ASXL2: variants seen among roughly 807,000 people sequenced by gnomAD.
The protein encoded by ASXL2 is ASXL transcriptional regulator 2, also known as putative Polycomb group protein ASXL2.
Under a neutral mutation model 122.0 loss-of-function variants are expected in ASXL2, and 23 were observed. The ratio of observed to expected loss-of-function variants is 0.19; its 90% CI spans 0.14 to 0.27. ASXL2 has a LOEUF of 0.27. Among genes scored for constraint, ASXL2 ranks in the 10% least tolerant of loss-of-function variants. The pLI, the probability that ASXL2 is intolerant of heterozygous loss-of-function variation, is 1.00. For synonymous variants in ASXL2, 650 were observed against 637.0 expected (o/e 1.02, Z -0.31); for missense variants, 1,518 against 1,713.8 (o/e 0.89, Z 2.02).
intron 12 of ASXL2, among the ~76,000 whole-genome samples, chr2:25,747,550 C>T (rs2087962362): frequency 6.6e-6 from 1 of 152,154 alleles, no homozygotes; most frequent in African/African-American, 2.4e-5. Context: ...AACTTGGTCA[C>T]AGTGGATTAA....
intron 12 of ASXL2, among the ~76,000 whole-genome samples, chr2:25,746,495 G>C (rs2087943879): frequency 1.0e-5 from 1 of 96,118 alleles, no homozygotes; most frequent in African/African-American, 3.4e-5. Flanking sequence ...AGAAACTGCA[G>C]GGGAAAAAAT....
intron 1 of ASXL2, among the ~76,000 whole-genome samples, chr2:25,855,342 T>C (rs981279967): frequency 6.6e-6 from 1 of 152,008 alleles, no homozygotes; most frequent in East Asian, 1.9e-4. Context: ...GCCCAGGAGT[T>C]AGAGACCAGC....
chr2:25,842,611 C>T (rs1297316262), intron 2 of ASXL2, among the ~76,000 whole-genome samples: 4 of 151,784 alleles, frequency 2.6e-5, no homozygotes, highest in Admixed American at 2.0e-4. Context: ...CCTCGGCCTC[C>T]CAAAGTGCTG....
chr2:25,782,502 T>C (rs1190031419), intron 5 of ASXL2, among the ~76,000 whole-genome samples: 2 of 152,076 alleles, frequency 1.3e-5, no homozygotes, highest in Admixed American at 1.3e-4. Flanking sequence ...GCCGAGACAG[T>C]GCCACTGCTC....
intron 1 of ASXL2, among the ~76,000 whole-genome samples, chr2:25,848,465 A>G (rs552361684): frequency 1.3e-5 from 2 of 152,158 alleles, no homozygotes; most frequent in Non-Finnish European, 2.9e-5. Flanking sequence ...TACTAAAAAT[A>G]CAAAAAAAGT....
In ASXL2 at chr2:25,845,312, G is replaced by A. The variant is rs770046910; in HGVS notation, c.140+169C>T. The A allele has an allele frequency of 1.2e-5, 14 of 1,180,136 alleles. No homozygotes were observed. Among genetic ancestry groups the A allele is most frequent in the Middle Eastern group, 4.1e-4 (2 of 4,822 alleles). 73.1% of individuals were successfully genotyped at this position (1,180,136 alleles called of 1,614,324 possible). On this transcript the variant is annotated intron_variant, in intron 2 of 12. Coordinates refer to ENST00000435504, the MANE Select transcript of ASXL2 (RefSeq NM_018263.6). ...AAACCTTCTGGTTTAAAACTTTCTG[G>A]TTTTAAAACTATGTAATGACTTAAA...
At chr2:25,767,759 G>C (rs929164121) in intron 7 of ASXL2, 33 bp from the exon 8 acceptor site, 1 of 1,609,916 alleles carries the variant, frequency 6.2e-7, no homozygotes, top group Non-Finnish European at 8.5e-7. Context: ...AAGACTGGTA[G>C]CACTGAGATT....
chr2:25,742,727 T>G lies in ASXL2; in HGVS notation c.3610A>C (p.Ser1204Arg). 1.9e-6 allele frequency: 3 copies of G among 1,614,002 alleles called. No individual in the cohort carries two copies. Among genetic ancestry groups the G allele is most frequent in the African/African-American group, 2.7e-5 (2 of 75,050 alleles). The change falls in exon 13 of 13, where the codon AGT becomes CGT. Residue 1204 changes from serine (S) to arginine (R), a missense_variant. Transcript: ENST00000435504. The stretch of plus-strand genomic sequence containing the variant: ...GAACTTGTGTCACCCTTGCCAGCAC[T>G]CTGGGAAACCTGGGGCTCCTCTTTC... ...TVKEEPQVSQ[S>R]AGKGDTSSGP...
At chr2:25,841,502 T>C (rs938713247) in intron 2 of ASXL2, among the ~76,000 whole-genome samples, 1 of 151,944 alleles carries the variant, frequency 6.6e-6, no homozygotes, top group African/African-American at 2.4e-5. Context: ...AGAAATTGTA[T>C]GTTTTTTTAC....
chr2:25,733,888 A>G lies in ASXL2; in HGVS notation c.*8141T>C, dbSNP rs948738231. 6.6e-6 allele frequency: 1 copy of G among 152,230 alleles called. No homozygotes were observed. Among genetic ancestry groups the G allele is most frequent in the Non-Finnish European group, 1.5e-5 (1 of 68,040 alleles). 9.4% of individuals were successfully genotyped at this position (152,230 alleles called of 1,614,324 possible). ...AATGAAACAGCCTAAAAGTGACAGG[A>G]AAGAAGACAATAGTGAGGAGCTAAA... On this transcript the variant is annotated 3_prime_UTR_variant, in exon 13 of 13. Transcript: ENST00000435504.
intron 1 of ASXL2, among the ~76,000 whole-genome samples, chr2:25,860,894 C>G (rs1321902432): frequency 6.6e-6 from 1 of 150,680 alleles, no homozygotes; most frequent in African/African-American, 2.4e-5. Flanking sequence ...TGCTTGTAGT[C>G]CCAGCTACTT....
intron 3 of ASXL2, among the ~76,000 whole-genome samples, chr2:25,808,753 ACT>A (rs1192500982): frequency 6.6e-6 from 1 of 152,182 alleles, no homozygotes; most frequent in Non-Finnish European, 1.5e-5. Context: ...AAAGAGTTGC[ACT>A]ATTGATTTGT....
intron 6 of ASXL2, 39 bp from the exon 7 acceptor site, chr2:25,768,907 C>A: frequency 6.3e-7 from 1 of 1,593,070 alleles, no homozygotes; most frequent in Admixed American, 1.7e-5. Context: ...CAAAACCAAT[C>A]AGTTTTTTAG....
At chr2:25,767,435 T>C in intron 8 of ASXL2, 148 bp downstream of exon 8, 1 of 758,408 alleles carries the variant, frequency 1.3e-6, no homozygotes, top group Non-Finnish European at 2.1e-6. Context: ...ACAGTAATTA[T>C]GTTAGCAACA....
chr2:25,854,783 G>A (rs1045684038), intron 1 of ASXL2, among the ~76,000 whole-genome samples: 1 of 152,230 alleles, frequency 6.6e-6, no homozygotes, highest in Non-Finnish European at 1.5e-5. Flanking sequence ...GGCAGTGGCA[G>A]AAGGAGATGA....
At chr2:25,773,492 C>T (rs1213926335) in intron 5 of ASXL2, among the ~76,000 whole-genome samples, 1 of 151,760 alleles carries the variant, frequency 6.6e-6, no homozygotes, top group Non-Finnish European at 1.5e-5. Context: ...GGTGAAACCC[C>T]ATCTCTACTA....
intron 5 of ASXL2, among the ~76,000 whole-genome samples, chr2:25,787,102 T>G (rs1002954142): frequency 2.6e-5 from 4 of 152,164 alleles, no homozygotes; most frequent in African/African-American, 9.7e-5. Context: ...TGTTGTTACA[T>G]CCAGTGTCAA....
At chr2:25,830,353 C>T (rs911031282) in intron 3 of ASXL2, among the ~76,000 whole-genome samples, 2 of 152,102 alleles carry the variant, frequency 1.3e-5, no homozygotes, top group African/African-American at 2.4e-5. Flanking sequence ...CAGAGTAGGC[C>T]GAATGCAGCG....
chr2:25,842,734 CTA>C (rs1243725333), intron 2 of ASXL2, among the ~76,000 whole-genome samples: 1 of 146,986 alleles, frequency 6.8e-6, no homozygotes, highest in Non-Finnish European at 1.5e-5. Flanking sequence ...ATGTATATAT[CTA>C]TATATATGTA....
Sources: gnomAD v4.1 joint callset for allele counts (sites outside exome capture counted in the v4.1 genomes callset) on GRCh38, gnomAD v4.1.1 for gene constraint, MANE v1.5 for transcripts, NCBI Gene and HGNC (gene_info 2026-07-23, HGNC 2026-07-21) for gene names.